The following UBTD2 variants were observed in gnomAD, a reference collection of about 807,000 sequenced individuals.
The protein encoded by UBTD2 is ubiquitin domain-containing protein 2.
UBTD2 carries 9 observed loss-of-function variants against 19.8 expected under a neutral mutation model. The ratio of observed to expected loss-of-function variants is 0.46; its 90% CI spans 0.27 to 0.79. The LOEUF is 0.79. Ranked by LOEUF, UBTD2 falls within the 30% of genes least tolerant of loss-of-function variation. UBTD2 has a pLI of 0.14. For synonymous variants in UBTD2, 98 were observed against 103.9 expected (o/e 0.94, Z 0.35); for missense variants, 250 against 300.4 (o/e 0.83, Z 1.24).
chr5:172,269,591 TCG>T (rs900741086), intron 1 of UBTD2, among the ~76,000 whole-genome samples: 5 of 151,364 alleles, frequency 3.3e-5, no homozygotes, highest in Admixed American at 3.3e-4. Flanking sequence ...AGAAATTGAG[TCG>T]CACACAGCTA....
chr5:172,243,222 C>T (rs1476311169), intron 1 of UBTD2, among the ~76,000 whole-genome samples: 3 of 147,562 alleles, frequency 2.0e-5, no homozygotes, highest in Non-Finnish European at 4.5e-5. Context: ...ACATAAAATA[C>T]AATAAGGTAC....
intron 1 of UBTD2, among the ~76,000 whole-genome samples, chr5:172,277,338 T>C (rs1755625115): frequency 6.6e-6 from 1 of 152,146 alleles, no homozygotes; most frequent in Non-Finnish European, 1.5e-5. Context: ...AGTGAAAGGT[T>C]ACTTTATATT....
intron 1 of UBTD2, among the ~76,000 whole-genome samples, chr5:172,248,896 C>G (rs1004827771): frequency 6.6e-6 from 1 of 151,836 alleles, no homozygotes; most frequent in African/African-American, 2.4e-5. Flanking sequence ...CATGACTGCA[C>G]CACTGCACTC....
intron 1 of UBTD2, among the ~76,000 whole-genome samples, chr5:172,264,968 G>C (rs375541082): frequency 6.6e-6 from 1 of 152,206 alleles, no homozygotes; most frequent in South Asian, 2.1e-4. Context: ...ACAGTACTCA[G>C]TATAGGCTGC....
At chr5:172,226,442 A>C (rs1299663805) in intron 2 of UBTD2, among the ~76,000 whole-genome samples, 1 of 152,204 alleles carries the variant, frequency 6.6e-6, no homozygotes, top group East Asian at 1.9e-4. Context: ...GTAAAGATTA[A>C]ATAATAAGCA....
At chr5:172,230,629 G>A (rs987338266) in intron 2 of UBTD2, among the ~76,000 whole-genome samples, 4 of 152,074 alleles carry the variant, frequency 2.6e-5, no homozygotes, top group Admixed American at 2.0e-4. Flanking sequence ...CAAGTAATAC[G>A]GTAGGGACAG....
intron 1 of UBTD2, among the ~76,000 whole-genome samples, chr5:172,275,064 A>G (rs886304721): frequency 7.9e-5 from 12 of 152,150 alleles, no homozygotes; most frequent in African/African-American, 2.9e-4. Context: ...GAGACTAGGT[A>G]ATTTATAAAG....
At chr5:172,252,809 CA>C (rs1410890357) in intron 1 of UBTD2, among the ~76,000 whole-genome samples, 1 of 151,980 alleles carries the variant, frequency 6.6e-6, no homozygotes, top group Non-Finnish European at 1.5e-5. Flanking sequence ...GGACAAGAAT[CA>C]AAAAGTAGGT....
intron 2 of UBTD2, among the ~76,000 whole-genome samples, chr5:172,231,357 T>C (rs1435488696): frequency 1.3e-5 from 2 of 152,226 alleles, no homozygotes; most frequent in Non-Finnish European, 2.9e-5. Context: ...GGCTTGATTA[T>C]TCCATGCTTA....
At chr5:172,217,744 C>T (rs186165427) in intron 2 of UBTD2, among the ~76,000 whole-genome samples, 1 of 152,174 alleles carries the variant, frequency 6.6e-6, no homozygotes, top group Non-Finnish European at 1.5e-5. Context: ...CCGCCTACCT[C>T]GCTTGCTGTG....
At chr5:172,218,894 G>C (rs1018695231) in intron 2 of UBTD2, among the ~76,000 whole-genome samples, 3 of 150,478 alleles carry the variant, frequency 2.0e-5, no homozygotes, top group Non-Finnish European at 4.4e-5. Flanking sequence ...AAATTGGTAA[G>C]CCTCTACCCA....
At chr5:172,278,250 A>G (rs1174000935) in intron 1 of UBTD2, among the ~76,000 whole-genome samples, 2 of 152,210 alleles carry the variant, frequency 1.3e-5, no homozygotes, top group African/African-American at 4.8e-5. Flanking sequence ...AAAATCTGGA[A>G]GCAGCCCAAA....
At chr5:172,250,449 T>C (rs895217418) in intron 1 of UBTD2, among the ~76,000 whole-genome samples, 43 of 152,108 alleles carry the variant, frequency 2.8e-4, no homozygotes, top group African/African-American at 1.0e-3. Context: ...AATATTCCTG[T>C]GTAATGAGGA....
chr5:172,251,545 G>A (rs985345405), intron 1 of UBTD2, among the ~76,000 whole-genome samples: 1 of 149,214 alleles, frequency 6.7e-6, no homozygotes, highest in Non-Finnish European at 1.5e-5. Flanking sequence ...TAACATATAA[G>A]GGACTTCCAA....
chr5:172,247,127 G>C (rs1453648722), intron 1 of UBTD2, among the ~76,000 whole-genome samples: 1 of 151,848 alleles, frequency 6.6e-6, no homozygotes, highest in Non-Finnish European at 1.5e-5. Flanking sequence ...ACATAGAGAA[G>C]GTAGAAGTAA....
At chr5:172,240,816 T>G (rs1163086738) in intron 1 of UBTD2, among the ~76,000 whole-genome samples, 1 of 152,138 alleles carries the variant, frequency 6.6e-6, no homozygotes, top group South Asian at 2.1e-4. Context: ...TTGGGTGTGG[T>G]AGCTCATGCC....
intron 1 of UBTD2, among the ~76,000 whole-genome samples, chr5:172,240,483 A>G (rs1772103706): frequency 6.6e-6 from 1 of 151,734 alleles, no homozygotes; most frequent in Admixed American, 6.6e-5. Context: ...AGGTAGCTTT[A>G]TTGGGGGGAA....
intron 1 of UBTD2, among the ~76,000 whole-genome samples, chr5:172,254,136 G>A (rs1314189932): frequency 6.6e-6 from 1 of 152,084 alleles, no homozygotes; most frequent in African/African-American, 2.4e-5. Flanking sequence ...GTCTCGCTCT[G>A]TCGCCCAGGC....
At chr5:172,276,351 T>C (rs1012421259) in intron 1 of UBTD2, among the ~76,000 whole-genome samples, 3 of 152,200 alleles carry the variant, frequency 2.0e-5, no homozygotes, top group African/African-American at 7.2e-5. Context: ...TCCTACGCAA[T>C]ACCTGTCCAG....
Sources: gnomAD v4.1 joint callset for allele counts (sites outside exome capture counted in the v4.1 genomes callset) on GRCh38, gnomAD v4.1.1 for gene constraint, MANE v1.5 for transcripts, NCBI Gene and HGNC (gene_info 2026-07-23, HGNC 2026-07-21) for gene names.